Variants in TGM4 observed in about 807,000 individuals in gnomAD.
TGM4 encodes the protein transglutaminase 4.
Under a neutral mutation model 76.3 loss-of-function variants are expected in TGM4, and 61 were observed. The ratio of observed to expected loss-of-function variants is 0.80; its 90% CI spans 0.65 to 0.99. The LOEUF (loss-of-function observed/expected upper bound fraction) is 0.99. TGM4 is among the 50% of genes least tolerant of loss of function. TGM4 has a pLI of 0.00. For synonymous variants in TGM4, 337 were observed against 329.8 expected (o/e 1.02, Z -0.24); for missense variants, 794 against 843.2 (o/e 0.94, Z 0.72).
At chr3:44,883,261 G>A (rs997152661) in intron 1 of TGM4, among the ~76,000 whole-genome samples, 1 of 152,124 alleles carries the variant, frequency 6.6e-6, no homozygotes, top group African/African-American at 2.4e-5. Flanking sequence ...TAAAATTCAG[G>A]GGTTGCCAAT....
At chr3:44,878,031 G>T (rs1405507833) in intron 1 of TGM4, among the ~76,000 whole-genome samples, 1 of 151,990 alleles carries the variant, frequency 6.6e-6, no homozygotes, top group African/African-American at 2.4e-5. Flanking sequence ...CATGCCTGTA[G>T]TGCCAGCTAC....
Position 44,901,554 on chromosome 3 carries a change from A to T in TGM4, c.688A>T (p.Ile230Phe). The T allele has an allele frequency of 6.2e-7, 1 of 1,612,976 alleles. No homozygotes were observed. Among genetic ancestry groups the T allele is most frequent in the Non-Finnish European group, 8.5e-7 (1 of 1,179,234 alleles). Residue 230 changes from isoleucine (I) to phenylalanine (F), a missense_variant, in exon 7 of 14, where the codon ATT becomes TTT. Transcript: ENST00000296125. Reference sequence around the variant, plus strand: ...CTTTGAGAAAGGCCAGGGCGTGCTCATTGGGAATTGGACTGGGGACTACGA... The same window carrying T: ...CTTTGAGAAAGGCCAGGGCGTGCTCTTTGGGAATTGGACTGGGGACTACGA... Reference protein sequence around the residue: ...MSFEKGQGVLIGNWTGDYEGG... With the variant: ...MSFEKGQGVLFGNWTGDYEGG...
At chr3:44,896,565 T>C (rs1371855376) in intron 5 of TGM4, 144 bp from the exon 6 acceptor site, 4 of 665,640 alleles carry the variant, frequency 6.0e-6, no homozygotes, top group Non-Finnish European at 1.1e-5. Flanking sequence ...TTTTCAGTGC[T>C]GTGGTGGACT....
intron 6 of TGM4, among the ~76,000 whole-genome samples, chr3:44,898,077 C>T (rs1177441498): frequency 2.6e-5 from 4 of 152,044 alleles, no homozygotes; most frequent in East Asian, 1.9e-4. Flanking sequence ...GTCAGGAGAT[C>T]GAGACCATCC....
chr3:44,885,437 G>T lies in TGM4; in HGVS notation c.132G>T (p.Leu44=). 4 of 1,613,140 alleles carry T rather than the reference G, an allele frequency of 2.5e-6. No individual in the cohort carries two copies. The highest frequency in any genetic ancestry group is 3.4e-6 in the Non-Finnish European group (4 of 1,179,930). The change falls in exon 2 of 14, where the codon CTG becomes CTT. Residue 44 remains leucine (L), a synonymous_variant. Transcript: ENST00000296125. ...PVFRRGQVFH[L]RLVLNQPLQS... ...TCCGGCGAGGACAGGTGTTTCACCT[G>T]CGGCTGGTGCTGAACCAGCCCCTAC...
Position 44,904,106 on chromosome 3 carries a change from A to G in TGM4, c.1075+119A>G, listed in dbSNP as rs370462389. On this transcript the variant is annotated intron_variant, in intron 9 of 13. Coordinates refer to ENST00000296125, the MANE Select transcript of TGM4 (RefSeq NM_003241.4). The stretch of plus-strand genomic sequence containing the variant: ...GGGAAAGTTTTCATAAAAATTTCCC[A>G]AAACAAAAAGCATGCTCAGTCCTTC... 3.8e-4 allele frequency: 330 copies of G among 868,652 alleles called. 1 individual carries two copies. The African/African-American group carries it at 4.9e-3, about 13-fold the overall frequency. 53.8% of individuals were successfully genotyped at this position (868,652 alleles called of 1,614,324 possible).
In TGM4 at chr3:44,910,998, C is replaced by T. The variant is rs1398098575; in HGVS notation, c.1647C>T (p.Ile549=). The change falls in exon 12 of 14, where the codon ATC becomes ATT. Residue 549 remains isoleucine, a synonymous_variant. Coordinates refer to ENST00000296125, the MANE Select transcript of TGM4 (RefSeq NM_003241.4). The stretch of plus-strand genomic sequence containing the variant: ...TGACCTTGGACTCCAAGACCTACAT[C>T]AACAGCCTGGCTATATTAGATGATG... ...VTLTLDSKTY[I]NSLAILDDEP... 4 of 1,614,078 alleles carry T rather than the reference C, an allele frequency of 2.5e-6. No individual in the cohort carries two copies. The highest frequency in any genetic ancestry group is 3.4e-6 in the Non-Finnish European group (4 of 1,180,050).
At chr3:44,893,316 C>A (rs896609639) in intron 4 of TGM4, among the ~76,000 whole-genome samples, 1 of 152,194 alleles carries the variant, frequency 6.6e-6, no homozygotes, top group Non-Finnish European at 1.5e-5. Context: ...CTCTCTCTTT[C>A]TTTTCAGTGG....
At chr3:44,883,382 C>T (rs1699558168) in intron 1 of TGM4, among the ~76,000 whole-genome samples, 1 of 152,148 alleles carries the variant, frequency 6.6e-6, no homozygotes, top group South Asian at 2.1e-4. Flanking sequence ...GGGAGTTGGT[C>T]CTCTCTCGCC....
At chr3:44,882,824 A>G (rs1320253707) in intron 1 of TGM4, among the ~76,000 whole-genome samples, 2 of 152,234 alleles carry the variant, frequency 1.3e-5, no homozygotes, top group Non-Finnish European at 2.9e-5. Context: ...CCATCTGCCT[A>G]ACATTAATGA....
chr3:44,900,093 C>T (rs1699832021), intron 6 of TGM4, among the ~76,000 whole-genome samples: 1 of 151,854 alleles, frequency 6.6e-6, no homozygotes, highest in Admixed American at 6.5e-5. Context: ...GAGCCTCGTG[C>T]ATCAGGAGTT....
In TGM4 at chr3:44,907,134, A is replaced by T; in HGVS notation, c.1261A>T (p.Ile421Phe). 2 of 1,614,136 alleles carry T rather than the reference A, an allele frequency of 1.2e-6. No homozygotes were observed. Among genetic ancestry groups the T allele is most frequent in the Non-Finnish European group, 8.5e-7 (1 of 1,180,028 alleles). ...GGAGACCACAAGCATCGGGAAAAACATCAGCACCAAGGCAGTGGGCCAAGA... is the reference window on the plus strand; with the variant it reads ...GGAGACCACAAGCATCGGGAAAAACTTCAGCACCAAGGCAGTGGGCCAAGA... ...SMETTSIGKN[I>F]STKAVGQDRR... The change falls in exon 10 of 14, where the codon ATC becomes TTC. Residue 421 changes from isoleucine to phenylalanine, a missense_variant. Physicochemically the swap from Ile to Phe is conservative, Grantham distance 21. Coordinates refer to ENST00000296125, the MANE Select transcript of TGM4 (RefSeq NM_003241.4).
chr3:44,877,834 T>G (rs1381132364), intron 1 of TGM4, among the ~76,000 whole-genome samples: 1 of 152,214 alleles, frequency 6.6e-6, no homozygotes, highest in Non-Finnish European at 1.5e-5. Flanking sequence ...TTACAAATAT[T>G]GTCACACATG....
chr3:44,910,015 T>C, intron 10 of TGM4, 75 bp from the exon 11 acceptor site: 1 of 1,544,906 alleles, frequency 6.5e-7, no homozygotes, highest in East Asian at 2.3e-5. Context: ...ATGGTCTCCT[T>C]CTGCCACACG....
chr3:44,904,198 G>A (rs529099067), intron 9 of TGM4, among the ~76,000 whole-genome samples: 1 of 152,138 alleles, frequency 6.6e-6, no homozygotes, highest in Non-Finnish European at 1.5e-5. Flanking sequence ...GCCAATGACA[G>A]TACTGTTAAG....
chr3:44,908,730 CTT>C (rs985969208), intron 10 of TGM4, among the ~76,000 whole-genome samples: 2 of 151,386 alleles, frequency 1.3e-5, no homozygotes, highest in Non-Finnish European at 2.9e-5. Context: ...TGTTCTCACA[CTT>C]TTTTTTTAGT....
At chr3:44,893,105 C>G (rs1017899629) in intron 4 of TGM4, among the ~76,000 whole-genome samples, 2 of 152,150 alleles carry the variant, frequency 1.3e-5, no homozygotes, top group Non-Finnish European at 2.9e-5. Flanking sequence ...ACATCCTGAT[C>G]CTTATTAAAA....
Position 44,910,698 on chromosome 3 carries a change from A to G in TGM4, c.1607-260A>G, listed in dbSNP as rs566761122. Among the ~76,000 whole-genome samples, 78 of 152,342 alleles carry G rather than the reference A, an allele frequency of 5.1e-4. 3 individuals are homozygous for G. In the South Asian group the frequency reaches 0.016, roughly 31 times the overall value. The stretch of plus-strand genomic sequence containing the variant: ...ATCAATGATTATGAGTACCCAAGGC[A>G]CAGTGTTGGGAACAAGTGGGATGTC... On this transcript the variant is annotated intron_variant, in intron 11 of 13. Transcript: ENST00000296125.
Position 44,914,453 on chromosome 3 carries a change from T to G in TGM4, c.*728T>G, listed in dbSNP as rs1212647453. The G allele has an allele frequency of 6.6e-6, 1 of 152,172 alleles. No homozygotes were observed. Among genetic ancestry groups the G allele is most frequent in the Non-Finnish European group, 1.5e-5 (1 of 68,044 alleles). 9.4% of individuals were successfully genotyped at this position (152,172 alleles called of 1,614,324 possible). ...CAGGGAGAAGGCATTGCTTCCTCCC[T>G]GGTGTGAACTCTTTCTTTGGTATTC... On this transcript the variant is annotated 3_prime_UTR_variant, in exon 14 of 14. Coordinates refer to ENST00000296125, the MANE Select transcript of TGM4 (RefSeq NM_003241.4).
Sources: gnomAD v4.1 joint callset for allele counts (sites outside exome capture counted in the v4.1 genomes callset) on GRCh38, gnomAD v4.1.1 for gene constraint, MANE v1.5 for transcripts, NCBI Gene and HGNC (gene_info 2026-07-23, HGNC 2026-07-21) for gene names.